The following NOS1AP variants were observed in gnomAD, a reference collection of about 807,000 sequenced individuals.
The protein encoded by NOS1AP is nitric oxide synthase 1 adaptor protein.
In NOS1AP, 21 loss-of-function variants were observed where a neutral mutation model predicts 56.2. The observed-to-expected ratio is 0.37, with a 90% confidence interval of 0.26 to 0.54. The LOEUF (loss-of-function observed/expected upper bound fraction) is 0.54, where lower values mean the gene tolerates loss of function less well. Ranked by LOEUF, NOS1AP falls within the 20% of genes least tolerant of loss-of-function variation. The probability of loss-of-function intolerance (pLI) is 0.84; values close to 1 mark genes in which losing one functional copy is unlikely to be tolerated. For missense variants in NOS1AP, 522 were observed against 657.8 expected (o/e 0.79, Z 2.26); for synonymous variants, 270 against 274.6 (o/e 0.98, Z 0.17).
At chr1:162,333,709 T>C (rs910543341) in intron 5 of NOS1AP, among the ~76,000 whole-genome samples, 6 of 152,168 alleles carry the variant, frequency 3.9e-5, no homozygotes, top group African/African-American at 1.4e-4. Flanking sequence ...AGTGACGTTA[T>C]GTAGGTCCCA....
chr1:162,341,959 G>T (rs141240871), intron 5 of NOS1AP, among the ~76,000 whole-genome samples: 284 of 152,286 alleles, frequency 1.9e-3, no homozygotes, highest in African/African-American at 6.5e-3. Context: ...AGTGGGAAGT[G>T]TAGGGGCTTC....
At chr1:162,078,457 A>C (rs1691819222) in intron 1 of NOS1AP, among the ~76,000 whole-genome samples, 1 of 152,232 alleles carries the variant, frequency 6.6e-6, no homozygotes, top group Non-Finnish European at 1.5e-5. Flanking sequence ...CCTGTACCCC[A>C]CATCAAGTTA....
At chr1:162,204,190 G>T (rs567876108) in intron 2 of NOS1AP, among the ~76,000 whole-genome samples, 1 of 152,210 alleles carries the variant, frequency 6.6e-6, no homozygotes, top group Non-Finnish European at 1.5e-5. Context: ...ACCTGGCCTG[G>T]TTGACTTCAC....
chr1:162,176,045 T>C (rs1316784038), intron 2 of NOS1AP, among the ~76,000 whole-genome samples: 2 of 152,234 alleles, frequency 1.3e-5, no homozygotes, highest in Non-Finnish European at 2.9e-5. Context: ...CTAAGATAAC[T>C]TCTGTTAGCA....
intron 1 of NOS1AP, among the ~76,000 whole-genome samples, chr1:162,119,355 G>A (rs983881918): frequency 2.0e-5 from 3 of 152,114 alleles, no homozygotes; most frequent in Non-Finnish European, 4.4e-5. Flanking sequence ...TAACCTAGAA[G>A]GATTTACTAC....
chr1:162,221,528 A>ATG (rs1652774369), intron 2 of NOS1AP, among the ~76,000 whole-genome samples: 2 of 59,460 alleles, frequency 3.4e-5, no homozygotes, highest in African/African-American at 6.5e-5. Context: ...ACGCACACAC[A>ATG]CGCGCGCACA....
At chr1:162,182,591 A>C (rs935598489) in intron 2 of NOS1AP, among the ~76,000 whole-genome samples, 1 of 152,204 alleles carries the variant, frequency 6.6e-6, no homozygotes, top group African/African-American at 2.4e-5. Flanking sequence ...TTCTTTCAAA[A>C]TTAGGGTCAG....
chr1:162,291,016 C>T lies in NOS1AP; in HGVS notation c.270+3580C>T, dbSNP rs569763458. On this transcript the variant is annotated intron_variant, in intron 3 of 9. Coordinates refer to ENST00000361897, the MANE Select transcript of NOS1AP (RefSeq NM_014697.3). ...ATGTATTTAGGTCTTTGAGAATCTA[C>T]TGGACTATCAAAAAAAAAAAAAACC... Among the ~76,000 whole-genome samples the T allele has an allele frequency of 2.5e-5, 3 of 119,058 alleles. No homozygotes were observed. In the East Asian group the frequency reaches 6.8e-4, roughly 27 times the overall value. 78.1% of individuals were successfully genotyped at this position (119,058 alleles called of 152,430 possible).
chr1:162,273,539 T>G (rs115221865), intron 2 of NOS1AP, among the ~76,000 whole-genome samples: 1 of 152,236 alleles, frequency 6.6e-6, no homozygotes, highest in African/African-American at 2.4e-5. Flanking sequence ...GGAGAGGGTA[T>G]CCCTCACATT....
In NOS1AP at chr1:162,343,744, C is replaced by T. The variant is rs1657183323; in HGVS notation, c.454-91C>T. 3.4e-6 allele frequency: 5 copies of T among 1,465,676 alleles called. No individual in the cohort carries two copies. In the East Asian group the frequency reaches 1.1e-4, roughly 33 times the overall value. 90.8% of individuals were successfully genotyped at this position (1,465,676 alleles called of 1,614,324 possible). ...CATATCTGAACAACTTTAGATTTTT[C>T]TGTCTCTTTCTTTGGCTGCTTCATG... On this transcript the variant is annotated intron_variant, in intron 5 of 9. Transcript: ENST00000361897.
chr1:162,140,416 G>T lies in NOS1AP; in HGVS notation c.106-13989G>T, dbSNP rs565455427. Among the ~76,000 whole-genome samples, 8 of 152,276 alleles carry T rather than the reference G, an allele frequency of 5.3e-5. No individual in the cohort carries two copies. The Middle Eastern group carries it at 0.017, about 324-fold the overall frequency. Reference sequence around the variant, plus strand: ...CTACAATAGTTGGTTTTCTGCTCCTGTGTTAATTCCCTTAGGAAAATGGCC... The same window carrying T: ...CTACAATAGTTGGTTTTCTGCTCCTTTGTTAATTCCCTTAGGAAAATGGCC... On this transcript the variant is annotated intron_variant, in intron 1 of 9. Transcript: ENST00000361897.
intron 8 of NOS1AP, chr1:162,364,029 G>A: frequency 1.0e-6 from 1 of 985,424 alleles, no homozygotes; most frequent in South Asian, 4.7e-5. Context: ...CTGGTTGCTG[G>A]GAGGGGCACA....
chr1:162,082,233 C>A (rs937021562), intron 1 of NOS1AP, among the ~76,000 whole-genome samples: 1 of 152,008 alleles, frequency 6.6e-6, no homozygotes, highest in African/African-American at 2.4e-5. Flanking sequence ...AGGATAATGG[C>A]TTCCAGCTCC....
chr1:162,266,700 A>C (rs1349106264), intron 2 of NOS1AP, among the ~76,000 whole-genome samples: 2 of 152,234 alleles, frequency 1.3e-5, no homozygotes, highest in Non-Finnish European at 2.9e-5. Flanking sequence ...ATATGCTAGA[A>C]TAGTTCTGAA....
chr1:162,301,772 C>T (rs147578897), intron 4 of NOS1AP, among the ~76,000 whole-genome samples: 47 of 152,164 alleles, frequency 3.1e-4, no homozygotes, highest in South Asian at 8.3e-4. Context: ...AATTTGGGGA[C>T]GTAGATTTAG....
At chr1:162,116,505 G>A (rs891110359) in intron 1 of NOS1AP, among the ~76,000 whole-genome samples, 5 of 152,080 alleles carry the variant, frequency 3.3e-5, no homozygotes, top group Non-Finnish European at 7.3e-5. Flanking sequence ...GGCATGGTTC[G>A]AGTCCCATAT....
At chr1:162,121,306 T>A (rs1648221223) in intron 1 of NOS1AP, among the ~76,000 whole-genome samples, 1 of 151,936 alleles carries the variant, frequency 6.6e-6, no homozygotes, top group South Asian at 2.1e-4. Context: ...TTCTGTATTT[T>A]TAGTGGAGAC....
At chr1:162,198,401 T>G (rs1355994867) in intron 2 of NOS1AP, among the ~76,000 whole-genome samples, 1 of 152,204 alleles carries the variant, frequency 6.6e-6, no homozygotes, top group African/African-American at 2.4e-5. Context: ...ATCCACTGGT[T>G]GTAGTATCTG....
intron 2 of NOS1AP, among the ~76,000 whole-genome samples, chr1:162,231,103 A>G (rs2101668688): frequency 6.6e-6 from 1 of 152,330 alleles, no homozygotes; most frequent in East Asian, 1.9e-4. Flanking sequence ...ATTTCCACCA[A>G]CAGTGTACAT....
Sources: allele counts gnomAD v4.1 joint callset (sites outside exome capture counted in the v4.1 genomes callset), GRCh38; gene constraint gnomAD v4.1.1; transcripts MANE v1.5; gene names NCBI Gene and HGNC (gene_info 2026-07-23, HGNC 2026-07-21).